The following PCLO variants were observed in gnomAD, a reference collection of about 807,000 sequenced individuals.
PCLO encodes the protein piccolo presynaptic cytomatrix protein.
PCLO carries 82 observed loss-of-function variants against 427.5 expected under a neutral mutation model. The observed-to-expected ratio is 0.19, with a 90% confidence interval of 0.16 to 0.23. The LOEUF (loss-of-function observed/expected upper bound fraction) is 0.23. Among genes scored for constraint, PCLO ranks in the 10% least tolerant of loss-of-function variants. The pLI is 1.00. For missense variants in PCLO, 6,239 were observed against 6,115.9 expected (o/e 1.02, Z -0.67); for synonymous variants, 2,357 against 2,155.4 (o/e 1.09, Z -2.59).
At position 82,922,640 on chromosome 7, in the gene PCLO, T is replaced by C. The variant is rs376211048; in HGVS notation, c.11113-5767A>G. Among the ~76,000 whole-genome samples, 20 of 152,058 alleles carry C rather than the reference T, an allele frequency of 1.3e-4. No homozygotes were observed. In the East Asian group the frequency reaches 3.7e-3, roughly 28 times the overall value. On this transcript the variant is annotated intron_variant, in intron 6 of 24. Transcript: ENST00000333891. Reference sequence around the variant, plus strand: ...AAAAACTAGCTATCAGGTACTATGCTCGTTACCTGGGTGAAGAAATAATCT... The same window carrying C: ...AAAAACTAGCTATCAGGTACTATGCCCGTTACCTGGGTGAAGAAATAATCT...
chr7:82,883,563 C>T (rs1309763227), intron 9 of PCLO, among the ~76,000 whole-genome samples: 1 of 152,026 alleles, frequency 6.6e-6, no homozygotes, highest in East Asian at 1.9e-4. Context: ...CAACAATGTA[C>T]ATCAATCACC....
Position 82,822,188 on chromosome 7 carries a change from G to A in PCLO, c.14791+307C>T, listed in dbSNP as rs1475897623. The A allele has an allele frequency of 7.7e-6, 9 of 1,174,078 alleles. No homozygotes were observed. The Admixed American group carries it at 1.7e-4, about 22-fold the overall frequency. The allele number at this position is 1,174,078 out of a possible 1,614,324, so 72.7% of individuals were successfully genotyped here. On this transcript the variant is annotated intron_variant, in intron 20 of 24. Transcript: ENST00000333891. ...AAAGATATTTAAGCGCAAACAAAAA[G>A]GACACACAACATTGCTTTGCTTCCA...
intron 3 of PCLO, among the ~76,000 whole-genome samples, chr7:82,966,978 T>C (rs1284781192): frequency 2.6e-5 from 4 of 152,156 alleles, no homozygotes; most frequent in Non-Finnish European, 5.9e-5. Flanking sequence ...GGGCCAAATA[T>C]AGTTCTACCT....
chr7:83,128,400 A>C (rs1791492455), intron 3 of PCLO, among the ~76,000 whole-genome samples: 2 of 152,154 alleles, frequency 1.3e-5, no homozygotes, highest in African/African-American at 4.8e-5. Context: ...TCAAATTTGT[A>C]TTTTACACTT....
intron 6 of PCLO, among the ~76,000 whole-genome samples, chr7:82,920,036 A>C (rs1349575968): frequency 1.3e-5 from 2 of 151,818 alleles, no homozygotes; most frequent in Non-Finnish European, 2.9e-5. Context: ...ACAATAAAGA[A>C]TTTGAAGTAA....
At chr7:82,786,210 CCGTGGAAATGAGA>C (rs1213811476) in intron 22 of PCLO, among the ~76,000 whole-genome samples, 1 of 151,976 alleles carries the variant, frequency 6.6e-6, no homozygotes. Flanking sequence ...AATTGCCTAA[CCGTGGAAATGAGA>C]CAGTGATTAG....
chr7:82,773,724 C>T (rs560777235), intron 22 of PCLO, among the ~76,000 whole-genome samples: 1 of 147,338 alleles, frequency 6.8e-6, no homozygotes, highest in African/African-American at 2.5e-5. Context: ...TTGTGCTATT[C>T]TTTTTTTTTT....
At chr7:82,795,117 GA>G (rs1247394795) in intron 22 of PCLO, among the ~76,000 whole-genome samples, 1 of 151,986 alleles carries the variant, frequency 6.6e-6, no homozygotes, top group Non-Finnish European at 1.5e-5. Context: ...TAATTAACCT[GA>G]AAATTATTTG....
intron 3 of PCLO, among the ~76,000 whole-genome samples, chr7:82,978,500 C>A (rs1796073520): frequency 6.6e-6 from 1 of 151,922 alleles, no homozygotes; most frequent in Admixed American, 6.6e-5. Flanking sequence ...TACACAATTT[C>A]TATGATATTC....
chr7:82,846,610 A>G lies in PCLO; in HGVS notation c.13788T>C (p.Ser4596=), dbSNP rs577924718. 2 of 1,607,422 alleles carry G rather than the reference A, an allele frequency of 1.2e-6. No individual in the cohort carries two copies. The highest frequency in any genetic ancestry group is 1.7e-5 in the Admixed American group (1 of 59,390). Reference sequence around the variant, plus strand: ...GAAGTTCCAGATGCTGGGAATTTTCAGAATCTGATAGCATATTGAGGTCCC... The same window carrying G: ...GAAGTTCCAGATGCTGGGAATTTTCGGAATCTGATAGCATATTGAGGTCCC... ...VRLDLNMLSD[S]ENSQHLELHE... is the part of the protein sequence containing the mutation. The change falls in exon 12 of 25, where the codon TCT becomes TCC. Residue 4596 remains serine (S), a synonymous_variant. Transcript: ENST00000333891.
chr7:82,915,135 C>T lies in PCLO; in HGVS notation c.12851G>A (p.Ser4284Asn), dbSNP rs764429661. 43 of 1,590,686 alleles carry T rather than the reference C, an allele frequency of 2.7e-5. No individual in the cohort carries two copies. Among genetic ancestry groups the T allele is most frequent in the African/African-American group, 4.0e-5 (3 of 74,460 alleles). ...GGAAGGTCTGGACCTGCTGCCACTA[C>T]TGTATGGCTTATCCGCTTCATCCTG... is the stretch of plus-strand genomic sequence containing the variant. ...ALQDEADKPY[S>N]SGSRSRPSSR... Residue 4284 changes from serine (S) to asparagine (N), a missense_variant, in exon 7 of 25, where the codon AGT becomes AAT. Ser to Asn is a conservative substitution (Grantham distance 46). Around this residue, in one of 5 missense-constraint regions of PCLO, gnomAD observed 680 missense variants for 677.3 expected, o/e 1.00. Transcript: ENST00000333891.
At chr7:82,821,041 A>G in intron 20 of PCLO, 1 of 1,190,716 alleles carries the variant, frequency 8.4e-7, no homozygotes, top group Non-Finnish European at 1.0e-6. Context: ...CAATCTCTAA[A>G]AATTAAAGAT....
At chr7:83,077,777 T>C (rs1390476934) in intron 3 of PCLO, among the ~76,000 whole-genome samples, 1 of 152,074 alleles carries the variant, frequency 6.6e-6, no homozygotes, top group Non-Finnish European at 1.5e-5. Flanking sequence ...TGGATTATTG[T>C]TTTCTATAAA....
intron 3 of PCLO, among the ~76,000 whole-genome samples, chr7:83,111,731 A>G (rs1477912684): frequency 3.9e-5 from 6 of 152,350 alleles, no homozygotes; most frequent in African/African-American, 1.4e-4. Context: ...CTTCTGATCT[A>G]TAAAACTATG....
chr7:83,079,104 A>G (rs1790031015), intron 3 of PCLO, among the ~76,000 whole-genome samples: 1 of 152,094 alleles, frequency 6.6e-6, no homozygotes, highest in Non-Finnish European at 1.5e-5. Flanking sequence ...ATTTGACATA[A>G]TTTTGCTATC....
In PCLO at chr7:82,838,342, G is replaced by T. The variant is rs1358868599; in HGVS notation, c.14098C>A (p.Leu4700Ile). ...VSHPITGEIQ[L>I]QINYDLGNLI... ...TTTCCAAGATCATAGTTAATTTGAA[G>T]CTTTAGGAGAGAGAAAAATATTCCA... The change falls in exon 15 of 25, where the codon CTT becomes ATT. Residue 4700 changes from leucine (L) to isoleucine (I), a missense_variant and splice_region_variant. By Grantham distance (5) the Leu-to-Ile change is conservative. Coordinates refer to ENST00000333891, the MANE Select transcript of PCLO (RefSeq NM_033026.6). The T allele has an allele frequency of 1.4e-6, 2 of 1,454,856 alleles. No homozygotes were observed. The highest frequency in any genetic ancestry group is 1.9e-6 in the Non-Finnish European group (2 of 1,063,074). 90.1% of individuals were successfully genotyped at this position (1,454,856 alleles called of 1,614,324 possible).
rs993530277 is a variant in PCLO, at chr7:82,869,942, A to C, written c.13654+9395T>G. The stretch of plus-strand genomic sequence containing the variant: ...TCAATGGATAAAAAATAGAAAGGAC[A>C]CATAAAAAATGGAAAGATATTTCAT... On this transcript the variant is annotated intron_variant, in intron 10 of 24. Coordinates refer to ENST00000333891, the MANE Select transcript of PCLO (RefSeq NM_033026.6). 2.6e-5 allele frequency among the ~76,000 whole-genome samples: 4 copies of C among 152,182 alleles called. No homozygotes were observed. In the South Asian group the frequency reaches 8.3e-4, roughly 32 times the overall value.
chr7:82,770,248 T>TG (rs1427258859), intron 22 of PCLO, among the ~76,000 whole-genome samples: 1 of 150,150 alleles, frequency 6.7e-6, no homozygotes, highest in Non-Finnish European at 1.5e-5. Context: ...ATTCCCTTAT[T>TG]CTTTTTTTAA....
At chr7:82,789,524 G>C (rs936699585) in intron 22 of PCLO, among the ~76,000 whole-genome samples, 1 of 152,076 alleles carries the variant, frequency 6.6e-6, no homozygotes, top group African/African-American at 2.4e-5. Flanking sequence ...TGGCCAACAT[G>C]GTGAAACCCC....
Sources: allele counts gnomAD v4.1 joint callset (sites outside exome capture counted in the v4.1 genomes callset), GRCh38; gene constraint gnomAD v4.1.1; regional missense constraint gnomAD v4.1.1; transcripts MANE v1.5; gene names NCBI Gene and HGNC (gene_info 2026-07-23, HGNC 2026-07-21).